Variants in CDC37 observed in about 807,000 individuals in gnomAD.
CDC37 encodes the protein hsp90 co-chaperone Cdc37.
Under a neutral mutation model 46.9 loss-of-function variants are expected in CDC37, and 9 were observed. The observed-to-expected ratio is 0.19, with a 90% CI of 0.12 to 0.33. The LOEUF is 0.33. CDC37 is among the 10% of genes least tolerant of loss of function. CDC37 has a pLI of 1.00. For missense variants in CDC37, 388 were observed against 514.6 expected (o/e 0.75, Z 2.38); for synonymous variants, 193 against 191.0 (o/e 1.01, Z -0.09).
At position 10,393,079 on chromosome 19, in the gene CDC37, T is replaced by C. The variant is rs745311624; in HGVS notation, c.981+7A>G. 1 of 1,613,290 alleles carries C rather than the reference T, an allele frequency of 6.2e-7. No homozygotes were observed. The highest frequency in any genetic ancestry group is 1.7e-5 in the Admixed American group (1 of 60,012). ...CCGGGAAGGCATGGGGCGCGGGGGT[T>C]ACTCACGGTGGGGTCCATCTTGCTG... On this transcript the variant is annotated splice_region_variant and intron_variant, in intron 7 of 7. Transcript: ENST00000222005. The surrounding 1 kb of genome is among the most constrained non-coding windows in gnomAD (Gnocchi z 4.9).
intron 2 of CDC37, 183 bp downstream of exon 2, chr19:10,395,745 G>C (rs2042486523): frequency 3.3e-6 from 2 of 608,754 alleles, no homozygotes; most frequent in Admixed American, 2.9e-5. Flanking sequence ...CATCCGCCCG[G>C]CCCCCCAAGC....
rs1287795992 is a variant in CDC37, at chr19:10,396,486, T to A, written c.103-283A>T. On this transcript the variant is annotated intron_variant, in intron 1 of 7. Coordinates refer to ENST00000222005, the MANE Select transcript of CDC37 (RefSeq NM_007065.4). The surrounding 1 kb of genome is among the most constrained non-coding windows in gnomAD (Gnocchi z 5.9). ...GCCCTACACAATCTGCCTCGGCACC[T>A]CCCCTGGTAACTCTTCCTTCCAGCT... 6.6e-6 allele frequency among the ~76,000 whole-genome samples: 1 copy of A among 152,108 alleles called. No individual in the cohort carries two copies. Among genetic ancestry groups the A allele is most frequent in the Admixed American group, 6.6e-5 (1 of 15,266 alleles).
At chr19:10,399,020 CTGAA>C (rs1166360568) in intron 1 of CDC37, among the ~76,000 whole-genome samples, 1 of 152,168 alleles carries the variant, frequency 6.6e-6, no homozygotes, top group Non-Finnish European at 1.5e-5. Flanking sequence ...TCACTGCCAC[CTGAA>C]TGGTCTGCTG....
rs977024983 is a variant in CDC37 at position 10,395,717 on chromosome 19, G to C, written c.379-174C>G. 5.4e-6 allele frequency: 4 copies of C among 740,990 alleles called. No individual in the cohort carries two copies. In the African/African-American group the frequency reaches 7.0e-5, roughly 13 times the overall value. 45.9% of individuals were successfully genotyped at this position (740,990 alleles called of 1,614,324 possible). A position where few individuals can be genotyped will look rare whatever the true frequency, so the allele number is the denominator to read the frequency against. On this transcript the variant is annotated intron_variant, in intron 2 of 7. Transcript: ENST00000222005. The stretch of plus-strand genomic sequence containing the variant: ...TGGGCCTTGGGGCAGATCAGAGGAG[G>C]GGACCGGTGGGGTGTTTCATCCGCC...
At chr19:10,399,637 TA>T (rs962437354) in intron 1 of CDC37, among the ~76,000 whole-genome samples, 78 of 143,460 alleles carry the variant, frequency 5.4e-4, no homozygotes, top group East Asian at 1.0e-3. Context: ...TTCCATCTCT[TA>T]AAAAAAAAAA....
chr19:10,393,494 TG>T lies in CDC37; in HGVS notation c.727-54del, dbSNP rs2042470461. 3.2e-6 allele frequency: 5 copies of T among 1,548,308 alleles called. No homozygotes were observed. Among genetic ancestry groups the T allele is most frequent in the East Asian group, 2.3e-5 (1 of 44,358 alleles). ...ACCTGGCCCAACGCTCAGGAGGGAC[TG>T]GGGGGCCCAGGACCCTCCAGCCACA... is the stretch of plus-strand genomic sequence containing the variant. On this transcript the variant is annotated intron_variant, in intron 5 of 7. Transcript: ENST00000222005. The surrounding 1 kb of genome is among the most constrained non-coding windows in gnomAD (Gnocchi z 4.9).
chr19:10,398,456 C>T lies in CDC37; in HGVS notation c.103-2253G>A, dbSNP rs923216790. ...GTGCTGGAGGACAGCCTTGGGGCAA[C>T]GGCCCCTGGGTCCTAGCCCACAGCC... On this transcript the variant is annotated intron_variant, in intron 1 of 7. Transcript: ENST00000222005. The surrounding 1 kb of genome is among the most constrained non-coding windows in gnomAD (Gnocchi z 4.2). Among the ~76,000 whole-genome samples, 8 of 152,370 alleles carry T rather than the reference C, an allele frequency of 5.3e-5. No homozygotes were observed. The highest frequency in any genetic ancestry group is 3.4e-3 in the Middle Eastern group (1 of 294).
At chr19:10,399,450 C>T (rs1262820635) in intron 1 of CDC37, among the ~76,000 whole-genome samples, 2 of 118,074 alleles carry the variant, frequency 1.7e-5, no homozygotes, top group African/African-American at 3.4e-5. Flanking sequence ...GGCGACAGAG[C>T]ATGACCCTGT....
At chr19:10,394,506 G>C (rs2042476802) in intron 5 of CDC37, among the ~76,000 whole-genome samples, 1 of 151,866 alleles carries the variant, frequency 6.6e-6, no homozygotes. Flanking sequence ...AGCCTGGCCT[G>C]ACCTCCACTT....
At chr19:10,402,235 G>A (rs11879191) in intron 1 of CDC37, among the ~76,000 whole-genome samples, 27,667 of 151,096 alleles carry the variant, frequency 0.18, 2,977 homozygotes, top group East Asian at 0.5. Context: ...TGGGGTAGCA[G>A]GAGGTTAAAC....
chr19:10,392,334 C>T (rs923152325), intron 7 of CDC37, among the ~76,000 whole-genome samples: 7 of 152,110 alleles, frequency 4.6e-5, no homozygotes, highest in African/African-American at 1.7e-4. Flanking sequence ...TAAAGACAGG[C>T]AGTGAGTCTG....
chr19:10,392,931 T>C (rs1034566792), intron 7 of CDC37, 155 bp downstream of exon 7: 2 of 659,210 alleles, frequency 3.0e-6, no homozygotes, highest in African/African-American at 1.8e-5. Context: ...AGGTGCTCAA[T>C]ATATGTGGGT....
Position 10,403,447 on chromosome 19 carries a change from C to A in CDC37, c.33G>T (p.Glu11Asp). 1.9e-6 allele frequency: 3 copies of A among 1,613,636 alleles called. No homozygotes were observed. In the South Asian group the frequency reaches 3.3e-5, roughly 18 times the overall value. Residue 11 changes from glutamate to aspartate, a missense_variant, in exon 1 of 8, where the codon GAG becomes GAT. This residue lies in a region of CDC37 where 14 missense variants were observed against 47.2 expected (regional missense o/e 0.30). Coordinates refer to ENST00000222005, the MANE Select transcript of CDC37 (RefSeq NM_007065.4). The part of the protein sequence containing the change: MVDYSVWDHI[E>D]VSDDEDETHP... ...GCGTCTCGTCTTCATCATCAGACAC[C>A]TCAATGTGGTCCCACACGCTGTAGT...
chr19:10,394,990 C>T, intron 5 of CDC37, 31 bp downstream of exon 5: 1 of 1,509,910 alleles, frequency 6.6e-7, no homozygotes, highest in Non-Finnish European at 8.8e-7. Context: ...GGGAGGGGGC[C>T]TCCAGCCACC....
At chr19:10,395,800 GC>G in intron 2 of CDC37, 127 bp downstream of exon 2, 2 of 273,936 alleles carry the variant, frequency 7.3e-6, no homozygotes, top group South Asian at 4.0e-5. Context: ...TCAGCTCCCC[GC>G]CCCCCACCAC....
At position 10,395,514 on chromosome 19, in the gene CDC37, C is replaced by T. The variant is rs1371923936; in HGVS notation, c.408G>A (p.Thr136=). The change falls in exon 3 of 8, where the codon ACG becomes ACA. Residue 136 remains threonine (T), a synonymous_variant. Coordinates refer to ENST00000222005, the MANE Select transcript of CDC37 (RefSeq NM_007065.4). ...CCCTCACCTCCTCTGAGTCCTCCTC[C>T]GTCTTCTCGGGCTTGGTATTTACCA... is the stretch of plus-strand genomic sequence containing the variant. ...KSMVNTKPEK[T]EEDSEEVREQ... is the part of the protein sequence containing the mutation. The T allele has an allele frequency of 2.5e-6, 4 of 1,614,004 alleles. No individual in the cohort carries two copies.
At position 10,393,504 on chromosome 19, in the gene CDC37, A is replaced by T; in HGVS notation, c.727-63T>A. 1 of 1,495,104 alleles carries T rather than the reference A, an allele frequency of 6.7e-7. No homozygotes were observed. The highest frequency in any genetic ancestry group is 2.1e-5 in the Admixed American group (1 of 47,022). 92.6% of individuals were successfully genotyped at this position (1,495,104 alleles called of 1,614,324 possible). The stretch of plus-strand genomic sequence containing the variant: ...ACGCTCAGGAGGGACTGGGGGGCCC[A>T]GGACCCTCCAGCCACAGCTCCTCAG... On this transcript the variant is annotated intron_variant, in intron 5 of 7. Transcript: ENST00000222005. This position sits in a 1 kb window ranked among gnomAD's most constrained non-coding sequence, Gnocchi z 4.9.
intron 1 of CDC37, among the ~76,000 whole-genome samples, chr19:10,401,421 GGCAGGTACACTACGCT>G (rs1330854925): frequency 6.6e-6 from 1 of 152,168 alleles, no homozygotes; most frequent in Non-Finnish European, 1.5e-5. Flanking sequence ...AGGAGGGTGT[GGCAGGTACACTACGCT>G]GCAGGAGGGG....
chr19:10,392,989 A>G, intron 7 of CDC37, 97 bp downstream of exon 7: 1 of 1,098,918 alleles, frequency 9.1e-7, no homozygotes, highest in East Asian at 2.3e-5. Flanking sequence ...GAAGCCTTGG[A>G]GGGGCACTTT....
Sources: gnomAD v4.1 joint callset for allele counts (sites outside exome capture counted in the v4.1 genomes callset) on GRCh38, gnomAD v4.1.1 for gene constraint, gnomAD v4.1.1 regional missense constraint, Gnocchi (gnomAD v3.1) non-coding constraint, MANE v1.5 for transcripts, NCBI Gene and HGNC (gene_info 2026-07-23, HGNC 2026-07-21) for gene names.